Variants in IL1RAPL1 observed in about 807,000 individuals in gnomAD.
IL1RAPL1 encodes the protein interleukin-1 receptor accessory protein-like 1.
IL1RAPL1 carries 3 observed loss-of-function variants against 48.4 expected under a neutral mutation model. The observed-to-expected ratio is 0.06, with a 90% CI of 0.03 to 0.16. The LOEUF is 0.16. Ranked by LOEUF, IL1RAPL1 falls within the 10% of genes least tolerant of loss-of-function variation. IL1RAPL1 has a pLI of 1.00. For synonymous variants in IL1RAPL1, 185 were observed against 187.7 expected, an observed-to-expected ratio of 0.99 and a Z score of 0.12; for missense variants, 349 against 530.6, an observed-to-expected ratio of 0.66 and a Z score of 3.36.
chrX:29,240,845 G>C (rs1931410129), intron 2 of IL1RAPL1, among the ~76,000 whole-genome samples: 1 of 112,055 alleles, frequency 8.9e-6, no homozygotes. Flanking sequence ...ATTCCAGAAT[G>C]ATACTCCAGA....
intron 6 of IL1RAPL1, among the ~76,000 whole-genome samples, chrX:29,716,108 G>A (rs1927475599): frequency 9.0e-6 from 1 of 111,097 alleles, no homozygotes; most frequent in African/African-American, 3.3e-5. Context: ...ATACCAGTGA[G>A]GAAGTGAGGG....
chrX:29,534,388 A>G (rs1212172932), intron 5 of IL1RAPL1, among the ~76,000 whole-genome samples: 1 of 112,278 alleles, frequency 8.9e-6, no homozygotes, highest in African/African-American at 3.2e-5. Flanking sequence ...CATGTGCACA[A>G]TAAAATATGT....
Position 29,746,420 on chromosome X carries a change from A to G in IL1RAPL1, c.778+77916A>G, listed in dbSNP as rs1181889078. The stretch of plus-strand genomic sequence containing the variant: ...TGAGTCATTTCTTTGCAATAAAAAG[A>G]ATTTTTCTCTCTACATATGTGTGGA... On this transcript the variant is annotated intron_variant, in intron 6 of 10. Coordinates refer to ENST00000378993, the MANE Select transcript of IL1RAPL1 (RefSeq NM_014271.4). Among the ~76,000 whole-genome samples, 6 of 111,816 alleles carry G rather than the reference A, an allele frequency of 5.4e-5. No homozygotes were observed. The East Asian group carries it at 1.7e-3, about 31-fold the overall frequency.
chrX:29,787,875 A>G (rs1355868034), intron 6 of IL1RAPL1, among the ~76,000 whole-genome samples: 1 of 112,208 alleles, frequency 8.9e-6, no homozygotes, highest in African/African-American at 3.2e-5. Context: ...TTCATAATAC[A>G]AGCTATTCAA....
At chrX:29,260,374 T>C (rs1326561070) in intron 2 of IL1RAPL1, among the ~76,000 whole-genome samples, 4 of 112,025 alleles carry the variant, frequency 3.6e-5, no homozygotes, top group Non-Finnish European at 7.5e-5. Context: ...TCCACATGGC[T>C]AGGGAGGCCT....
rs139892026 is a variant in IL1RAPL1, at chrX:29,900,879, C to T, written c.779-16585C>T. 2.1e-4 allele frequency among the ~76,000 whole-genome samples: 23 copies of T among 111,841 alleles called. No individual in the cohort carries two copies. In the East Asian group the frequency reaches 5.6e-3, roughly 27 times the overall value. ...TTCTAGAGGCACTGATGGATACAGG[C>T]TAAGCTGGGTAACAAGGATACCCCA... On this transcript the variant is annotated intron_variant, in intron 6 of 10. Coordinates refer to ENST00000378993, the MANE Select transcript of IL1RAPL1 (RefSeq NM_014271.4).
At chrX:29,597,179 G>T in intron 5 of IL1RAPL1, among the ~76,000 whole-genome samples, 2 of 76,007 alleles carry the variant, frequency 2.6e-5, no homozygotes, top group East Asian at 4.2e-4. Flanking sequence ...TTGAGACTGA[G>T]TTTTGCTCTT....
chrX:29,179,203 C>T (rs972708949), intron 2 of IL1RAPL1, among the ~76,000 whole-genome samples: 8 of 111,012 alleles, frequency 7.2e-5, no homozygotes, highest in African/African-American at 1.6e-4. Flanking sequence ...GCCATTTTCA[C>T]GATATTGATT....
intron 1 of IL1RAPL1, among the ~76,000 whole-genome samples, chrX:28,708,627 G>T (rs748281204): frequency 1.2e-4 from 13 of 111,598 alleles, no homozygotes; most frequent in Non-Finnish European, 2.1e-4. Flanking sequence ...TATTGTTCAG[G>T]TATAAAAAAG....
chrX:28,703,200 T>C (rs1204457606), intron 1 of IL1RAPL1, among the ~76,000 whole-genome samples: 1 of 111,686 alleles, frequency 9.0e-6, no homozygotes, highest in Non-Finnish European at 1.9e-5. Flanking sequence ...GGCAAGTTAC[T>C]TGGCAGATTT....
At chrX:29,252,485 T>C (rs1316975457) in intron 2 of IL1RAPL1, among the ~76,000 whole-genome samples, 2 of 114,005 alleles carry the variant, frequency 1.8e-5, no homozygotes, top group Non-Finnish European at 1.9e-5. Flanking sequence ...TTTAGGGAAA[T>C]TGAAACAAAA....
chrX:28,770,594 C>G lies in IL1RAPL1; in HGVS notation c.-24-18726C>G, dbSNP rs562124216. ...AAGAAATTGAGAATACTTTCTAGCT[C>G]TTAGTGGTATGATACTGCCTTGCAT... On this transcript the variant is annotated intron_variant, in intron 1 of 10. Transcript: ENST00000378993. Among the ~76,000 whole-genome samples, 104 of 112,388 alleles carry G rather than the reference C, an allele frequency of 9.3e-4. No homozygotes were observed. In the Middle Eastern group the frequency reaches 0.018, roughly 20 times the overall value.
At chrX:28,701,700 G>C (rs1935299928) in intron 1 of IL1RAPL1, among the ~76,000 whole-genome samples, 1 of 111,511 alleles carries the variant, frequency 9.0e-6, no homozygotes, top group African/African-American at 3.3e-5. Flanking sequence ...TGTAGGAAGA[G>C]ATTCAGCACC....
At chrX:28,952,564 T>A (rs1030214054) in intron 2 of IL1RAPL1, among the ~76,000 whole-genome samples, 6 of 111,515 alleles carry the variant, frequency 5.4e-5, no homozygotes, top group African/African-American at 1.9e-4. Context: ...AGAGTCATTA[T>A]TTTTATGTTT....
chrX:29,546,248 A>G (rs1014103519), intron 5 of IL1RAPL1, among the ~76,000 whole-genome samples: 1 of 111,765 alleles, frequency 8.9e-6, no homozygotes, highest in Non-Finnish European at 1.9e-5. Flanking sequence ...TCTTTCTGAT[A>G]CATCTTTTTT....
rs1346990022 is a variant in IL1RAPL1, at chrX:29,332,666, T to A, written c.362+49449T>A. ...TTTATTTATTTTATTTTTTTTTTTT[T>A]ATTGATCATTCTTGGGTGTTTCTCG... On this transcript the variant is annotated intron_variant, in intron 3 of 10. Transcript: ENST00000378993. Among the ~76,000 whole-genome samples, 10 of 104,608 alleles carry A rather than the reference T, an allele frequency of 9.6e-5. No individual in the cohort carries two copies. The South Asian group carries it at 1.6e-3, about 17-fold the overall frequency. 90.8% of individuals were successfully genotyped at this position (104,608 alleles called of 115,157 possible). A position where few individuals can be genotyped will look rare whatever the true frequency, so the allele number is the denominator to read the frequency against.
chrX:28,829,640 A>C (rs1249706890), intron 2 of IL1RAPL1, among the ~76,000 whole-genome samples: 1 of 105,250 alleles, frequency 9.5e-6, no homozygotes, highest in East Asian at 3.0e-4. Flanking sequence ...GCTCACTTCA[A>C]CCTCTGCCTC....
chrX:29,884,391 A>G (rs1312893577), intron 6 of IL1RAPL1, among the ~76,000 whole-genome samples: 2 of 110,353 alleles, frequency 1.8e-5, no homozygotes, highest in South Asian at 4.1e-4. Context: ...CCATTTCTCC[A>G]TGATACTCAT....
At chrX:29,851,869 A>G (rs1215958630) in intron 6 of IL1RAPL1, among the ~76,000 whole-genome samples, 7 of 112,741 alleles carry the variant, frequency 6.2e-5, no homozygotes, top group African/African-American at 1.9e-4. Flanking sequence ...TTGGTAAGCA[A>G]AAGATTCCAT....
Sources: gnomAD v4.1 joint callset for allele counts (sites outside exome capture counted in the v4.1 genomes callset) on GRCh38, gnomAD v4.1.1 for gene constraint, MANE v1.5 for transcripts, NCBI Gene and HGNC (gene_info 2026-07-23, HGNC 2026-07-21) for gene names.